Variants in PRRC2A observed in about 807,000 individuals in gnomAD.
PRRC2A encodes the protein proline rich coiled-coil 2A, also known as protein PRRC2A.
In PRRC2A, 59 loss-of-function variants were observed where a neutral mutation model predicts 224.6. The ratio of observed to expected loss-of-function variants is 0.26; its 90% CI spans 0.21 to 0.33. The LOEUF (loss-of-function observed/expected upper bound fraction) is 0.33, where lower values mean the gene tolerates loss of function less well. Among genes scored for constraint, PRRC2A ranks in the 10% least tolerant of loss-of-function variants. The probability of loss-of-function intolerance (pLI) is 1.00; values close to 1 mark genes in which losing one functional copy is unlikely to be tolerated. For missense variants in PRRC2A, 3,095 were observed against 2,880.7 expected (o/e 1.07, Z -1.70); for synonymous variants, 1,194 against 1,109.5 (o/e 1.08, Z -1.51).
At position 31,636,242 on chromosome 6, in the gene PRRC2A, C is replaced by T; in HGVS notation, c.5658C>T (p.Ala1886=). 6.2e-7 allele frequency: 1 copy of T among 1,612,912 alleles called. No individual in the cohort carries two copies. The highest frequency in any genetic ancestry group is 1.1e-5 in the South Asian group (1 of 91,078). Residue 1886 remains alanine, a synonymous_variant, in exon 26 of 31, where the codon GCC becomes GCT. Coordinates refer to ENST00000376033, the MANE Select transcript of PRRC2A (RefSeq NM_004638.4). This position sits in a 1 kb window ranked among gnomAD's most constrained non-coding sequence, Gnocchi z 4.3. ...SQPLYLPPGP[A]PPSALLSGLA... ...CCCTATACCTACCCCCCGGCCCAGCCCCTCCCTCAGCACTGCTCTCTGGGT... is the reference window on the plus strand; with the variant it reads ...CCCTATACCTACCCCCCGGCCCAGCTCCTCCCTCAGCACTGCTCTCTGGGT...
Position 31,620,778 on chromosome 6 carries a change from C to A in PRRC2A, c.-181C>A, listed in dbSNP as rs930648738. 1.3e-5 allele frequency: 2 copies of A among 152,150 alleles called. No homozygotes were observed. The highest frequency in any genetic ancestry group is 2.9e-5 in the Non-Finnish European group (2 of 68,038). The allele number at this position is 152,150 out of a possible 1,614,324, so 9.4% of individuals were successfully genotyped here. A position where few individuals can be genotyped will look rare whatever the true frequency, so the allele number is the denominator to read the frequency against. On this transcript the variant is annotated 5_prime_UTR_variant, in exon 1 of 31. Transcript: ENST00000376033. Reference sequence around the variant, plus strand: ...AGGAGCCGAACCCGGCGCCATCCGCCGCCATCCTCCCCCGCCCCACCGCCA... The same window carrying A: ...AGGAGCCGAACCCGGCGCCATCCGCAGCCATCCTCCCCCGCCCCACCGCCA...
intron 9 of PRRC2A, among the ~76,000 whole-genome samples, chr6:31,626,405 T>A (rs915318595): frequency 1.1e-4 from 17 of 150,324 alleles, no homozygotes; most frequent in Non-Finnish European, 1.8e-4. Context: ...AAAAAAAAAA[T>A]TTTTTAGTTG....
Position 31,622,800 on chromosome 6 carries a change from G to A in PRRC2A, c.11G>A (p.Arg4His). ...TGAGCTTCCAGCGCAATGTCCGATC[G>A]CTCGGGGCCGACTGCCAAGGGAAAG... Reference protein sequence around the residue: MSDRSGPTAKGKDG... With the variant: MSDHSGPTAKGKDG... The change falls in exon 2 of 31, where the codon CGC (arginine) becomes CAC (histidine). Residue 4 changes from arginine to histidine, a missense_variant. Around this residue, in one of 8 missense-constraint regions of PRRC2A, gnomAD observed 64 missense variants for 68.2 expected, o/e 0.94. Coordinates refer to ENST00000376033, the MANE Select transcript of PRRC2A (RefSeq NM_004638.4). 1 of 1,613,566 alleles carries A rather than the reference G, an allele frequency of 6.2e-7. No homozygotes were observed. Among genetic ancestry groups the A allele is most frequent in the Non-Finnish European group, 8.5e-7 (1 of 1,179,910 alleles).
intron 28 of PRRC2A, 40 bp from the exon 29 acceptor site, chr6:31,637,002 G>C: frequency 6.3e-7 from 1 of 1,597,072 alleles, no homozygotes. Context: ...TAGGGATTCT[G>C]TATTTCAAGG....
At chr6:31,630,068 G>C (rs1583205516) in intron 14 of PRRC2A, among the ~76,000 whole-genome samples, 2 of 152,212 alleles carry the variant, frequency 1.3e-5, no homozygotes, top group Non-Finnish European at 2.9e-5. Context: ...TGTAATCCCA[G>C]CACTTAGGGA....
In PRRC2A at chr6:31,632,887, C is replaced by CTGGCAGCAG. The variant is rs1776825014; in HGVS notation, c.4224_4232dup (p.Gly1409_Ser1411dup). The CTGGCAGCAG allele has an allele frequency of 1.2e-6, 2 of 1,612,862 alleles. No individual in the cohort carries two copies. The highest frequency in any genetic ancestry group is 1.3e-5 in the African/African-American group (1 of 74,926). The stretch of plus-strand genomic sequence containing the variant: ...CGGCGCCCTGGCCCAGGGGGCAAGG[C>CTGGCAGCAG]TGGCAGCAGTGGCAGCAGCAGTGGA... On this transcript the variant is annotated inframe_insertion, in exon 16 of 31. Coordinates refer to ENST00000376033, the MANE Select transcript of PRRC2A (RefSeq NM_004638.4).
chr6:31,625,899 C>T lies in PRRC2A; in HGVS notation c.839+28C>T, dbSNP rs745494449. 1 of 1,582,020 alleles carries T rather than the reference C, an allele frequency of 6.3e-7. No individual in the cohort carries two copies. Among genetic ancestry groups the T allele is most frequent in the Non-Finnish European group, 8.7e-7 (1 of 1,153,352 alleles). On this transcript the variant is annotated intron_variant, in intron 8 of 30. Coordinates refer to ENST00000376033, the MANE Select transcript of PRRC2A (RefSeq NM_004638.4). This position sits in a 1 kb window ranked among gnomAD's most constrained non-coding sequence, Gnocchi z 4.1. ...GAGCAATCCAGGTCTGGGTTTGTGGCTGGGGGCAGGGGAAGCTTATTGGGG... is the reference window on the plus strand; with the variant it reads ...GAGCAATCCAGGTCTGGGTTTGTGGTTGGGGGCAGGGGAAGCTTATTGGGG...
intron 1 of PRRC2A, among the ~76,000 whole-genome samples, chr6:31,621,084 C>T (rs1457728655): frequency 2.6e-5 from 4 of 152,226 alleles, no homozygotes; most frequent in African/African-American, 9.6e-5. Context: ...GTAGTCTGCC[C>T]CTAACCACCC....
At chr6:31,623,144 T>C (rs11755228) in intron 2 of PRRC2A, 12 of 749,102 alleles carry the variant, frequency 1.6e-5, no homozygotes, top group Non-Finnish European at 2.9e-5. Context: ...GGAAAATAAA[T>C]GTGGATTTGG....
At chr6:31,623,616 A>G in intron 2 of PRRC2A, 116 bp from the exon 3 acceptor site, 1 of 1,170,158 alleles carries the variant, frequency 8.5e-7, no homozygotes, top group South Asian at 1.5e-5. Context: ...TTCTAAGAGA[A>G]GTTTGGAGGA....
At position 31,635,977 on chromosome 6, in the gene PRRC2A, G is replaced by C. The variant is rs369571371; in HGVS notation, c.5552G>C (p.Gly1851Ala). 9 of 1,611,436 alleles carry C rather than the reference G, an allele frequency of 5.6e-6. No homozygotes were observed. Among genetic ancestry groups the C allele is most frequent in the Non-Finnish European group, 5.1e-6 (6 of 1,178,180 alleles). Residue 1851 changes from glycine (G) to alanine (A), a missense_variant, in exon 25 of 31, where the codon GGA becomes GCA. Physicochemically the swap from Gly to Ala is moderately conservative, Grantham distance 60. Coordinates refer to ENST00000376033, the MANE Select transcript of PRRC2A (RefSeq NM_004638.4). ...GCTCCTCTCCTGCAGATCTCTGGGG[G>C]AGCCATGGACTCTCAATTACATCCA... Reference protein sequence around the residue: ...AGPSSSQISGGAMDSQLHPNS... With the variant: ...AGPSSSQISGAAMDSQLHPNS...
At chr6:31,621,390 A>G (rs1379245444) in intron 1 of PRRC2A, among the ~76,000 whole-genome samples, 1 of 150,630 alleles carries the variant, frequency 6.6e-6, no homozygotes, top group Non-Finnish European at 1.5e-5. Flanking sequence ...CAGTCGCCCT[A>G]TGTCTGCTTT....
At chr6:31,634,020 T>G (rs1777016975) in intron 18 of PRRC2A, 31 bp downstream of exon 18, 4 of 1,593,298 alleles carry the variant, frequency 2.5e-6, no homozygotes, top group Non-Finnish European at 3.4e-6. Context: ...TGTGCTTCAC[T>G]GCACTCTTAC....
At chr6:31,629,490 A>G (rs1776290367) in intron 13 of PRRC2A, 58 bp from the exon 14 acceptor site, 7 of 1,417,736 alleles carry the variant, frequency 4.9e-6, no homozygotes, top group Non-Finnish European at 6.9e-6. Flanking sequence ...TTCTTTGCTG[A>G]TTCCTTTGTC....
chr6:31,624,453 A>G lies in PRRC2A; in HGVS notation c.394A>G (p.Thr132Ala), dbSNP rs773769603. Reference protein sequence around the residue: ...PKRPPAAPENTPLVPSGVKSW... With the variant: ...PKRPPAAPENAPLVPSGVKSW... ...ATCTTTCTGAACACTTCCCCAGAAC[A>G]CTCCTTTGGTTCCAAGCGGGGTAAA... is the stretch of plus-strand genomic sequence containing the variant. Residue 132 changes from threonine (T) to alanine (A), a missense_variant, in exon 5 of 31, where the codon ACT becomes GCT. Transcript: ENST00000376033. 2 of 1,613,250 alleles carry G rather than the reference A, an allele frequency of 1.2e-6. No individual in the cohort carries two copies. Among genetic ancestry groups the G allele is most frequent in the Non-Finnish European group, 8.5e-7 (1 of 1,179,326 alleles).
intron 14 of PRRC2A, 75 bp from the exon 15 acceptor site, chr6:31,630,516 G>A (rs2736161): frequency 0.04 from 60,378 of 1,506,958 alleles, 2,046 homozygotes; most frequent in African/African-American, 0.14. Flanking sequence ...ACTTGACCGC[G>A]AGGGGAGATG....
intron 5 of PRRC2A, 109 bp downstream of exon 5, chr6:31,624,631 AC>A: frequency 1.6e-6 from 2 of 1,232,210 alleles, no homozygotes; most frequent in Non-Finnish European, 2.3e-6. Flanking sequence ...TAAATCAAGG[AC>A]CACCCATATT....
In PRRC2A at chr6:31,637,512, G is replaced by A. The variant is rs1022595633; in HGVS notation, c.6400G>A (p.Glu2134Lys). 42 of 1,580,316 alleles carry A rather than the reference G, an allele frequency of 2.7e-5. No homozygotes were observed. The highest frequency in any genetic ancestry group is 3.5e-5 in the Non-Finnish European group (41 of 1,163,912). Residue 2134 changes from glutamate to lysine, a missense_variant, in exon 31 of 31, where the codon GAA (glutamate) becomes AAA (lysine). Glu to Lys is a moderately conservative substitution (Grantham distance 56). This residue lies in a region of PRRC2A where 662 missense variants were observed against 609.5 expected (regional missense o/e 1.09). Coordinates refer to ENST00000376033, the MANE Select transcript of PRRC2A (RefSeq NM_004638.4). ...GGAGCGGACAGGGCCGCCACCTCGA[G>A]AAGGGCCCTCCCGACGGGCAGAGGA... Reference protein sequence around the residue: ...PWERTGPPPREGPSRRAEEPG... With the variant: ...PWERTGPPPRKGPSRRAEEPG...
At chr6:31,621,994 C>T (rs1390400254) in intron 1 of PRRC2A, among the ~76,000 whole-genome samples, 3 of 152,146 alleles carry the variant, frequency 2.0e-5, no homozygotes, top group African/African-American at 7.2e-5. Flanking sequence ...TATGGTAAAA[C>T]AGTATTTCAT....
Sources: allele counts gnomAD v4.1 joint callset (sites outside exome capture counted in the v4.1 genomes callset), GRCh38; gene constraint gnomAD v4.1.1; regional missense constraint gnomAD v4.1.1; non-coding constraint Gnocchi (gnomAD v3.1); transcripts MANE v1.5; gene names NCBI Gene and HGNC (gene_info 2026-07-23, HGNC 2026-07-21).